Variants in ZNF207 observed in about 807,000 individuals in gnomAD.
ZNF207 encodes BUB3-interacting and GLEBS motif-containing protein ZNF207.
Under a neutral mutation model 60.2 loss-of-function variants are expected in ZNF207, and 24 were observed. That is an observed-to-expected ratio of 0.40 (90% CI 0.29 to 0.56). ZNF207 has a LOEUF of 0.56. Among genes scored for constraint, ZNF207 ranks in the 20% least tolerant of loss-of-function variants. The pLI is 0.49. For synonymous variants in ZNF207, 236 were observed against 194.7 expected (o/e 1.21, Z -1.77); for missense variants, 452 against 636.6 (o/e 0.71, Z 3.12).
At chr17:32,353,866 C>CA (rs1904339114) in intron 2 of ZNF207, among the ~76,000 whole-genome samples, 1 of 151,250 alleles carries the variant, frequency 6.6e-6, no homozygotes, top group Non-Finnish European at 1.5e-5. Context: ...ATGTTAGACT[C>CA]ACAGCTGTTC....
In ZNF207 at chr17:32,350,182, G is replaced by A. The variant is rs763441676; in HGVS notation, c.-104G>A. 2 of 1,549,988 alleles carry A rather than the reference G, an allele frequency of 1.3e-6. No homozygotes were observed. The highest frequency in any genetic ancestry group is 1.8e-6 in the Non-Finnish European group (2 of 1,124,036). On this transcript the variant is annotated 5_prime_UTR_variant, in exon 1 of 12. It adds an upstream start codon to the 5' untranslated region. Coordinates refer to ENST00000394670, the MANE Select transcript of ZNF207 (RefSeq NM_001098507.2). Reference sequence around the variant, plus strand: ...GTCGGCCATTTTGTGTCTGCTTCCTGTGGGACGTGGTGGTAGCCGTTGGGT... The same window carrying A: ...GTCGGCCATTTTGTGTCTGCTTCCTATGGGACGTGGTGGTAGCCGTTGGGT...
chr17:32,356,179 G>A (rs1264951277), intron 2 of ZNF207, among the ~76,000 whole-genome samples: 1 of 152,118 alleles, frequency 6.6e-6, no homozygotes, highest in East Asian at 1.9e-4. Context: ...ATCAGTGCTT[G>A]CTCCTGTCTT....
chr17:32,357,345 A>ATTTTTTTTTT (rs1232093255), intron 2 of ZNF207, among the ~76,000 whole-genome samples: 3 of 64,984 alleles, frequency 4.6e-5, no homozygotes, highest in African/African-American at 2.7e-4. Flanking sequence ...TATTATTATT[A>ATTTTTTTTTT]TTATTATTTT....
intron 2 of ZNF207, among the ~76,000 whole-genome samples, chr17:32,354,325 T>C (rs980543823): frequency 6.6e-6 from 1 of 152,070 alleles, no homozygotes; most frequent in African/African-American, 2.4e-5. Flanking sequence ...TAGAGATGTA[T>C]GCTCTGTCAG....
intron 10 of ZNF207, 24 bp from the exon 11 acceptor site, chr17:32,369,271 C>T (rs770935024): frequency 1.9e-6 from 3 of 1,611,518 alleles, no homozygotes; most frequent in East Asian, 2.2e-5. Flanking sequence ...GAGTATTTAG[C>T]CCTGCGCTTA....
At position 32,373,447 on chromosome 17, in the gene ZNF207, G is replaced by A; in HGVS notation, c.*3688G>A. ...CTGAGTCTCAGTGTTGCCCTGTTCA[G>A]TCTGAGGCAAGTGGGATTTATTTTA... On this transcript the variant is annotated 3_prime_UTR_variant, in exon 12 of 12. Coordinates refer to ENST00000394670, the MANE Select transcript of ZNF207 (RefSeq NM_001098507.2). The A allele has an allele frequency of 1.6e-6, 1 of 642,212 alleles. No individual in the cohort carries two copies. Among genetic ancestry groups the A allele is most frequent in the Admixed American group, 2.2e-5 (1 of 44,794 alleles). The allele number at this position is 642,212 out of a possible 1,614,324, so 39.8% of individuals were successfully genotyped here. A position where few individuals can be genotyped will look rare whatever the true frequency, so the allele number is the denominator to read the frequency against.
At chr17:32,350,377 G>A (rs766082314) in intron 1 of ZNF207, 51 bp downstream of exon 1, 1 of 1,612,320 alleles carries the variant, frequency 6.2e-7, no homozygotes. Flanking sequence ...CCGGTTGTTG[G>A]GGCCTGGGAC....
Position 32,369,634 on chromosome 17 carries a change from T to A in ZNF207, c.1360T>A (p.Tyr454Asn). The A allele has an allele frequency of 6.3e-7, 1 of 1,576,098 alleles. No homozygotes were observed. The highest frequency in any genetic ancestry group is 8.6e-7 in the Non-Finnish European group (1 of 1,160,942). Reference sequence around the variant, plus strand: ...TGGTCATCATCAAGGCATGCCAGGATACCTTCCTGGTGCTATGCCCCCGTA... The same window carrying A: ...TGGTCATCATCAAGGCATGCCAGGAAACCTTCCTGGTGCTATGCCCCCGTA... Reference protein sequence around the residue: ...YGGHHQGMPGYLPGAMPPYGQ... With the variant: ...YGGHHQGMPGNLPGAMPPYGQ... Residue 454 changes from tyrosine to asparagine, a missense_variant, in exon 12 of 12, where the codon TAC (tyrosine) becomes AAC (asparagine). By Grantham distance (143) the Tyr-to-Asn change is moderately radical. This residue lies in a region of ZNF207 where 390 missense variants were observed against 461.4 expected (regional missense o/e 0.85). Transcript: ENST00000394670.
rs748924817 is a variant in ZNF207, at chr17:32,360,603, CAAA to C, written c.318_320del (p.Lys108del). ...TAATTTTTTTTTTTTAACAGAAAGT[CAAA>C]AAAAGAAGCAACAAGATGATTCTGA... On this transcript the variant is annotated inframe_deletion, in exon 4 of 12. Coordinates refer to ENST00000394670, the MANE Select transcript of ZNF207 (RefSeq NM_001098507.2). 3 of 1,581,178 alleles carry C rather than the reference CAAA, an allele frequency of 1.9e-6. No homozygotes were observed. Among genetic ancestry groups the C allele is most frequent in the Non-Finnish European group, 2.6e-6 (3 of 1,169,334 alleles).
intron 6 of ZNF207, 60 bp downstream of exon 6, chr17:32,361,575 T>C: frequency 6.6e-7 from 1 of 1,510,596 alleles, no homozygotes; most frequent in East Asian, 2.3e-5. Context: ...TTTTTTTATG[T>C]GTGTGTTTAA....
intron 6 of ZNF207, among the ~76,000 whole-genome samples, chr17:32,362,131 AGTGTGTGT>A (rs57093226): frequency 5.1e-4 from 74 of 146,024 alleles, no homozygotes; most frequent in Middle Eastern, 7.1e-3. Flanking sequence ...AAAAAAAAAA[AGTGTGTGT>A]GTGTGTGTGT....
In ZNF207 at chr17:32,366,496, T is replaced by C. The variant is rs188891107; in HGVS notation, c.829-169T>C. On this transcript the variant is annotated intron_variant, in intron 8 of 11. Coordinates refer to ENST00000394670, the MANE Select transcript of ZNF207 (RefSeq NM_001098507.2). ...TAAAATTTTGAGGCTCATACTTTAATTTTGTTTATTGTAAATGCATTAACT... is the reference window on the plus strand; with the variant it reads ...TAAAATTTTGAGGCTCATACTTTAACTTTGTTTATTGTAAATGCATTAACT... Among the ~76,000 whole-genome samples the C allele has an allele frequency of 7.2e-5, 11 of 152,384 alleles. No homozygotes were observed. In the East Asian group the frequency reaches 2.1e-3, roughly 29 times the overall value.
intron 10 of ZNF207, chr17:32,369,036 A>G: frequency 2.4e-6 from 1 of 420,572 alleles, no homozygotes; most frequent in Non-Finnish European, 4.3e-6. Context: ...ACAATACTTC[A>G]TTAGATAGTT....
intron 2 of ZNF207, among the ~76,000 whole-genome samples, chr17:32,357,351 A>ATTATT (rs1363194053): frequency 4.1e-5 from 3 of 74,028 alleles, no homozygotes; most frequent in African/African-American, 1.7e-4. Flanking sequence ...TATTATTATT[A>ATTATT]TTTTTTTTTT....
intron 1 of ZNF207, 111 bp downstream of exon 1, chr17:32,350,437 C>T: frequency 7.0e-7 from 1 of 1,424,954 alleles, no homozygotes; most frequent in South Asian, 1.2e-5. Context: ...ATTTAGGCGT[C>T]TGCGTGGGTG....
rs939940613 is a variant in ZNF207, at chr17:32,376,399, A to G, written c.*6640A>G. The G allele has an allele frequency of 5.3e-5, 8 of 152,000 alleles. No homozygotes were observed. The highest frequency in any genetic ancestry group is 1.9e-4 in the African/African-American group (8 of 41,424). 9.4% of individuals were successfully genotyped at this position (152,000 alleles called of 1,614,324 possible). A position where few individuals can be genotyped will look rare whatever the true frequency, so the allele number is the denominator to read the frequency against. The stretch of plus-strand genomic sequence containing the variant: ...ATATTTTTCTTGCTCTTGGCTCTAT[A>G]CATTTTTGCATAATATTTTAGTCTT... On this transcript the variant is annotated 3_prime_UTR_variant, in exon 12 of 12. Coordinates refer to ENST00000394670, the MANE Select transcript of ZNF207 (RefSeq NM_001098507.2).
Position 32,369,725 on chromosome 17 carries a change from G to A in ZNF207, c.1451G>A (p.Arg484Lys). Residue 484 changes from arginine to lysine, a missense_variant, in exon 12 of 12, where the codon AGA becomes AAA. Physicochemically the swap from Arg to Lys is conservative, Grantham distance 26 (BLOSUM62 2). This residue lies in a region of ZNF207 where 390 missense variants were observed against 461.4 expected (regional missense o/e 0.85). Transcript: ENST00000394670. ...CCTCCTCGACCTCCGATGGGAATGA[G>A]ACCTCCTGTAATGTCGCAAGGTGGC... is the stretch of plus-strand genomic sequence containing the variant. ...GGPPRPPMGM[R>K]PPVMSQGGRY 2 of 1,580,040 alleles carry A rather than the reference G, an allele frequency of 1.3e-6. No homozygotes were observed. The highest frequency in any genetic ancestry group is 8.6e-7 in the Non-Finnish European group (1 of 1,164,892).
In ZNF207 at chr17:32,361,521, C is replaced by T. The variant is rs763738816; in HGVS notation, c.599+6C>T. 6.2e-7 allele frequency: 1 copy of T among 1,605,400 alleles called. No homozygotes were observed. The highest frequency in any genetic ancestry group is 1.1e-5 in the South Asian group (1 of 89,272). The stretch of plus-strand genomic sequence containing the variant: ...TCATTTTGCGGTGAAAACATGTAAG[C>T]ATCTCATTCATAATGTAATTCAGGA... On this transcript the variant is annotated splice_donor_region_variant and intron_variant, in intron 6 of 11. Transcript: ENST00000394670.
In ZNF207 at chr17:32,362,972, G is replaced by A; in HGVS notation, c.658G>A (p.Gly220Arg). The stretch of plus-strand genomic sequence containing the variant: ...ACCAGGAATACCACCTCTGATGCCT[G>A]GAATGCCACCAGGTATATGTTAGAT... ...PGPGIPPLMP[G>R]MPPGMPPPVP... Residue 220 changes from glycine (G) to arginine (R), a missense_variant, in exon 7 of 12, where the codon GGA becomes AGA. Gly to Arg is a moderately radical substitution (Grantham distance 125, BLOSUM62 -2). Coordinates refer to ENST00000394670, the MANE Select transcript of ZNF207 (RefSeq NM_001098507.2). 1 of 1,613,072 alleles carries A rather than the reference G, an allele frequency of 6.2e-7. No homozygotes were observed. Among genetic ancestry groups the A allele is most frequent in the Non-Finnish European group, 8.5e-7 (1 of 1,179,850 alleles).
Sources: allele counts gnomAD v4.1 joint callset (sites outside exome capture counted in the v4.1 genomes callset), GRCh38; gene constraint gnomAD v4.1.1; regional missense constraint gnomAD v4.1.1; transcripts MANE v1.5; gene names NCBI Gene and HGNC (gene_info 2026-07-23, HGNC 2026-07-21).